The following TBC1D5 variants were observed in gnomAD, a reference collection of about 807,000 sequenced individuals.
The protein encoded by TBC1D5 is TBC1 domain family, member 5.
A neutral mutation model predicts 100.3 loss-of-function variants in TBC1D5; 75 were observed. The observed-to-expected ratio is 0.75, with a 90% confidence interval of 0.62 to 0.91. The LOEUF is 0.91. Ranked by LOEUF, TBC1D5 falls within the 40% of genes least tolerant of loss-of-function variation. The pLI is 0.00. For synonymous variants in TBC1D5, 323 were observed against 325.6 expected, an observed-to-expected ratio of 0.99 and a Z score of 0.09; for missense variants, 910 against 942.4, an observed-to-expected ratio of 0.97 and a Z score of 0.45.
chr3:17,590,953 A>G (rs898511030), intron 2 of TBC1D5, among the ~76,000 whole-genome samples: 6 of 152,002 alleles, frequency 3.9e-5, no homozygotes, highest in African/African-American at 1.2e-4. Context: ...AAAAACAGAG[A>G]ATCGGGCCAG....
At chr3:17,272,876 T>C (rs2079571921) in intron 15 of TBC1D5, among the ~76,000 whole-genome samples, 1 of 152,174 alleles carries the variant, frequency 6.6e-6, no homozygotes, top group Non-Finnish European at 1.5e-5. Context: ...AAATAACTGA[T>C]TGGGAAATGC....
chr3:17,464,085 G>A (rs377341463), intron 3 of TBC1D5, among the ~76,000 whole-genome samples: 1 of 151,444 alleles, frequency 6.6e-6, no homozygotes, highest in African/African-American at 2.4e-5. Context: ...CCAAGTAGCT[G>A]GGATTACAGG....
intron 10 of TBC1D5, 98 bp from the exon 11 acceptor site, chr3:17,374,777 T>A (rs1575583629): frequency 1.7e-6 from 2 of 1,193,346 alleles, no homozygotes; most frequent in Non-Finnish European, 2.4e-6. Context: ...TCATATAATA[T>A]GCAAACGAAA....
chr3:17,183,924 A>G (rs758618548), intron 19 of TBC1D5, among the ~76,000 whole-genome samples: 4 of 152,122 alleles, frequency 2.6e-5, no homozygotes, highest in East Asian at 1.9e-4. Context: ...ATTTCTTATA[A>G]TACCTGGTAT....
intron 8 of TBC1D5, among the ~76,000 whole-genome samples, chr3:17,392,599 G>A (rs1217477810): frequency 6.6e-6 from 1 of 152,036 alleles, no homozygotes; most frequent in Non-Finnish European, 1.5e-5. Context: ...CCACTTACGG[G>A]TGAGAACATG....
intron 2 of TBC1D5, among the ~76,000 whole-genome samples, chr3:17,578,572 T>G (rs2096672040): frequency 6.6e-6 from 1 of 152,022 alleles, no homozygotes; most frequent in Non-Finnish European, 1.5e-5. Context: ...TTTTACAAAA[T>G]AAACATTTTT....
chr3:17,496,361 G>A (rs1242926635), intron 3 of TBC1D5, among the ~76,000 whole-genome samples: 5 of 152,024 alleles, frequency 3.3e-5, no homozygotes, highest in Non-Finnish European at 7.4e-5. Flanking sequence ...CTAGAGGAAC[G>A]AATTCTACAT....
At chr3:17,485,721 T>G (rs1047374232) in intron 3 of TBC1D5, among the ~76,000 whole-genome samples, 1 of 152,092 alleles carries the variant, frequency 6.6e-6, no homozygotes, top group Non-Finnish European at 1.5e-5. Flanking sequence ...TGTGCCACAT[T>G]TTCTTAATCC....
intron 15 of TBC1D5, among the ~76,000 whole-genome samples, chr3:17,273,244 A>G (rs2079612633): frequency 6.6e-6 from 1 of 152,032 alleles, no homozygotes; most frequent in African/African-American, 2.4e-5. Context: ...CACATTCTGA[A>G]TCTTCTCCAT....
chr3:17,695,528 A>G (rs936161942), intron 1 of TBC1D5, among the ~76,000 whole-genome samples: 45 of 152,258 alleles, frequency 3.0e-4, no homozygotes, highest in African/African-American at 1.0e-3. Context: ...TAAAGGGATC[A>G]ATTCAACAAG....
intron 3 of TBC1D5, among the ~76,000 whole-genome samples, chr3:17,434,505 G>A (rs1439118580): frequency 6.6e-6 from 1 of 152,196 alleles, no homozygotes; most frequent in Non-Finnish European, 1.5e-5. Context: ...CTGGGATCCA[G>A]GGCACGGCCC....
At chr3:17,690,437 C>T (rs1577497737) in intron 1 of TBC1D5, among the ~76,000 whole-genome samples, 2 of 35,184 alleles carry the variant, frequency 5.7e-5, no homozygotes, top group African/African-American at 1.7e-4. Flanking sequence ...GGGATGGTCT[C>T]GATCTCCTGA....
chr3:17,343,718 T>G (rs1020988149), intron 13 of TBC1D5, among the ~76,000 whole-genome samples: 126 of 152,284 alleles, frequency 8.3e-4, no homozygotes, highest in African/African-American at 2.9e-3. Context: ...GTTGAGGAAT[T>G]TATCCATTTC....
chr3:17,176,976 G>A (rs2067830017), intron 19 of TBC1D5, among the ~76,000 whole-genome samples: 1 of 152,132 alleles, frequency 6.6e-6, no homozygotes, highest in Non-Finnish European at 1.5e-5. Flanking sequence ...CAGCCACTGG[G>A]GGCCACTGTG....
At chr3:17,190,688 C>T (rs1269124720) in intron 18 of TBC1D5, among the ~76,000 whole-genome samples, 2 of 152,190 alleles carry the variant, frequency 1.3e-5, no homozygotes, top group East Asian at 3.8e-4. Flanking sequence ...ATACAGGCTG[C>T]AGTGGTGTTT....
intron 17 of TBC1D5, among the ~76,000 whole-genome samples, chr3:17,229,244 A>G (rs556917831): frequency 5.3e-5 from 8 of 152,264 alleles, no homozygotes; most frequent in African/African-American, 1.7e-4. Context: ...TGACCAAGAC[A>G]ATGAGGCATC....
intron 13 of TBC1D5, among the ~76,000 whole-genome samples, chr3:17,346,185 G>A (rs923868766): frequency 6.6e-6 from 1 of 152,076 alleles, no homozygotes; most frequent in Non-Finnish European, 1.5e-5. Flanking sequence ...CAATTGGATG[G>A]TAAAGTTTAT....
intron 13 of TBC1D5, among the ~76,000 whole-genome samples, chr3:17,344,078 T>C (rs1389975384): frequency 6.6e-6 from 1 of 152,188 alleles, no homozygotes; most frequent in African/African-American, 2.4e-5. Flanking sequence ...TTTTGGATCT[T>C]TCCTGCTTTC....
intron 2 of TBC1D5, among the ~76,000 whole-genome samples, chr3:17,615,485 T>C (rs1006209037): frequency 6.6e-6 from 1 of 152,200 alleles, no homozygotes; most frequent in Non-Finnish European, 1.5e-5. Flanking sequence ...GTACCTCTGG[T>C]AGAATTCAGC....
Sources: allele counts gnomAD v4.1 joint callset (sites outside exome capture counted in the v4.1 genomes callset), GRCh38; gene constraint gnomAD v4.1.1; transcripts MANE v1.5; gene names NCBI Gene and HGNC (gene_info 2026-07-23, HGNC 2026-07-21).